PARP8: variants seen among roughly 807,000 people sequenced by gnomAD.
PARP8 encodes poly(ADP-ribose) polymerase family member 8, also known as protein mono-ADP-ribosyltransferase PARP8.
Under a neutral mutation model 124.1 loss-of-function variants are expected in PARP8, and 51 were observed. That is an observed-to-expected ratio of 0.41 (90% confidence interval 0.33 to 0.52). PARP8 has a LOEUF of 0.52. PARP8 is among the 20% of genes least tolerant of loss of function. PARP8 has a pLI of 0.21. For synonymous variants in PARP8, 391 were observed against 361.5 expected (o/e 1.08, Z -0.93); for missense variants, 860 against 1,018.9 (o/e 0.84, Z 2.12).
At chr5:50,725,167 A>T (rs1182357648) in intron 2 of PARP8, among the ~76,000 whole-genome samples, 3 of 150,674 alleles carry the variant, frequency 2.0e-5, no homozygotes, top group East Asian at 1.9e-4. Context: ...TATATATATA[A>T]AACATGTTCT....
intron 1 of PARP8, 167 bp from the exon 2 acceptor site, chr5:50,667,904 C>T: frequency 6.7e-7 from 1 of 1,496,566 alleles, no homozygotes; most frequent in Non-Finnish European, 8.9e-7. Context: ...GTCGGGGGCG[C>T]GCCGCATCCC....
intron 2 of PARP8, among the ~76,000 whole-genome samples, chr5:50,702,992 T>C (rs1319473186): frequency 6.6e-6 from 1 of 151,998 alleles, no homozygotes; most frequent in East Asian, 1.9e-4. Flanking sequence ...ACAAACCAGA[T>C]AATTACAGAA....
At position 50,828,021 on chromosome 5, in the gene PARP8, T is replaced by C. The variant is rs1373018664; in HGVS notation, c.2055T>C (p.Ala685=). Residue 685 remains alanine (A), a synonymous_variant, in exon 20 of 26, where the codon GCT becomes GCC. Coordinates refer to ENST00000281631, the MANE Select transcript of PARP8 (RefSeq NM_024615.4). ...CAGCCAAAGAATCCAATTTTAGAGC[T>C]GCTAAAAAACTCTTTGGAAGCACCT... ...SPPAKESNFR[A]AKKLFGSTFA... 6.2e-7 allele frequency: 1 copy of C among 1,613,302 alleles called. No homozygotes were observed. Among genetic ancestry groups the C allele is most frequent in the Non-Finnish European group, 8.5e-7 (1 of 1,179,358 alleles).
Position 50,691,678 on chromosome 5 carries a change from G to C in PARP8, c.146+23553G>C, listed in dbSNP as rs549052643. ...ACTCTGTTGTTCTTCTGTAATCTGT[G>C]TTTCAGCTCAGATCTATGTTCTGTG... On this transcript the variant is annotated intron_variant, in intron 2 of 25. Coordinates refer to ENST00000281631, the MANE Select transcript of PARP8 (RefSeq NM_024615.4). 5.9e-5 allele frequency among the ~76,000 whole-genome samples: 9 copies of C among 152,174 alleles called. No individual in the cohort carries two copies. The South Asian group carries it at 1.9e-3, about 32-fold the overall frequency.
chr5:50,785,277 G>A (rs2149626055), intron 9 of PARP8, among the ~76,000 whole-genome samples: 1 of 152,058 alleles, frequency 6.6e-6, no homozygotes, highest in South Asian at 2.1e-4. Context: ...ATTAAGTTTT[G>A]GTCTTTGTAT....
Position 50,837,192 on chromosome 5 carries a change from C to T in PARP8, c.2462+2177C>T, listed in dbSNP as rs149013378. On this transcript the variant is annotated intron_variant, in intron 25 of 25. Transcript: ENST00000281631. Reference sequence around the variant, plus strand: ...TCCTAAATAATACAAGGAAAAATTTCGTGTTATCATATTAAGATAATTGTC... The same window carrying T: ...TCCTAAATAATACAAGGAAAAATTTTGTGTTATCATATTAAGATAATTGTC... Among the ~76,000 whole-genome samples, 512 of 152,146 alleles carry T rather than the reference C, an allele frequency of 3.4e-3. 1 individual carries two copies. The highest frequency in any genetic ancestry group is 0.01 in the African/African-American group (426 of 41,520).
Position 50,828,047 on chromosome 5 carries a change from T to C in PARP8, c.2081T>C (p.Phe694Ser). The change falls in exon 20 of 26, where the codon TTT becomes TCT. Residue 694 changes from phenylalanine to serine, a missense_variant. Transcript: ENST00000281631. ...RAAKKLFGSTFAFHGSHIENW... is the reference protein window; with the variant it reads ...RAAKKLFGSTSAFHGSHIENW... ...GCTAAAAAACTCTTTGGAAGCACCTTTGCATTTCAGTGAGTAAGGCTTAAT... is the reference window on the plus strand; with the variant it reads ...GCTAAAAAACTCTTTGGAAGCACCTCTGCATTTCAGTGAGTAAGGCTTAAT... The C allele has an allele frequency of 6.2e-7, 1 of 1,603,396 alleles. No individual in the cohort carries two copies. The highest frequency in any genetic ancestry group is 8.5e-7 in the Non-Finnish European group (1 of 1,170,410).
chr5:50,833,104 A>G lies in PARP8; in HGVS notation c.2307+250A>G, dbSNP rs190314491. On this transcript the variant is annotated intron_variant, in intron 23 of 25. Transcript: ENST00000281631. Reference sequence around the variant, plus strand: ...AGGCAGTAGAGTGTAGTGATGGCCAAAAGTAGACACATATTCCGTCTCTTG... The same window carrying G: ...AGGCAGTAGAGTGTAGTGATGGCCAGAAGTAGACACATATTCCGTCTCTTG... Among the ~76,000 whole-genome samples the G allele has an allele frequency of 7.9e-5, 12 of 152,308 alleles. No individual in the cohort carries two copies. In the East Asian group the frequency reaches 2.1e-3, roughly 27 times the overall value.
At chr5:50,725,150 G>GTA (rs143501846) in intron 2 of PARP8, among the ~76,000 whole-genome samples, 6,648 of 148,288 alleles carry the variant, frequency 0.045, 437 homozygotes, top group African/African-American at 0.15. Flanking sequence ...GTATATGTGT[G>GTA]TATATATATA....
At chr5:50,839,940 A>C (rs1009950269) in intron 25 of PARP8, among the ~76,000 whole-genome samples, 5 of 151,876 alleles carry the variant, frequency 3.3e-5, no homozygotes, top group Non-Finnish European at 5.9e-5. Flanking sequence ...TGAATGATGA[A>C]GGAACTCGTA....
chr5:50,745,243 T>A (rs1758424730), intron 2 of PARP8, among the ~76,000 whole-genome samples: 1 of 152,200 alleles, frequency 6.6e-6, no homozygotes, highest in African/African-American at 2.4e-5. Flanking sequence ...AATAAAATAA[T>A]CAGTGTTGGT....
chr5:50,794,446 C>G, intron 11 of PARP8, 114 bp downstream of exon 11: 2 of 1,231,126 alleles, frequency 1.6e-6, no homozygotes. Flanking sequence ...TTTATAACCT[C>G]TAAGAAAAGA....
Position 50,842,315 on chromosome 5 carries a change from G to T in PARP8, c.*247G>T. The T allele has an allele frequency of 3.2e-6, 1 of 309,242 alleles. No homozygotes were observed. The highest frequency in any genetic ancestry group is 5.9e-6 in the Non-Finnish European group (1 of 169,262). 19.2% of individuals were successfully genotyped at this position (309,242 alleles called of 1,614,324 possible). A position where few individuals can be genotyped will look rare whatever the true frequency, so the allele number is the denominator to read the frequency against. The stretch of plus-strand genomic sequence containing the variant: ...CAGCACTTAAACTGAAGTTTGGGTT[G>T]CTCATACAATAAACAGATTGAAAAA... On this transcript the variant is annotated 3_prime_UTR_variant, in exon 26 of 26. Coordinates refer to ENST00000281631, the MANE Select transcript of PARP8 (RefSeq NM_024615.4).
chr5:50,799,076 GAA>G (rs565170590), intron 14 of PARP8, among the ~76,000 whole-genome samples: 38 of 152,064 alleles, frequency 2.5e-4, no homozygotes, highest in Non-Finnish European at 4.3e-4. Context: ...TAATTTTGAT[GAA>G]GTCTTATTTA....
intron 2 of PARP8, among the ~76,000 whole-genome samples, chr5:50,734,172 C>T (rs1027244187): frequency 6.6e-6 from 1 of 151,666 alleles, no homozygotes; most frequent in Non-Finnish European, 1.5e-5. Flanking sequence ...GGTTTTATTT[C>T]AGATCCCATT....
At chr5:50,731,757 A>G (rs1311939040) in intron 2 of PARP8, among the ~76,000 whole-genome samples, 1 of 152,218 alleles carries the variant, frequency 6.6e-6, no homozygotes, top group Non-Finnish European at 1.5e-5. Context: ...AACTTGAAAT[A>G]TATAGGTTGG....
chr5:50,799,454 G>A (rs1450950124), intron 14 of PARP8, among the ~76,000 whole-genome samples: 1 of 152,144 alleles, frequency 6.6e-6, no homozygotes, highest in Non-Finnish European at 1.5e-5. Flanking sequence ...GTACCACATT[G>A]TCTTGATTAA....
At chr5:50,762,405 C>G (rs1332445301) in intron 6 of PARP8, among the ~76,000 whole-genome samples, 1 of 151,954 alleles carries the variant, frequency 6.6e-6, no homozygotes, top group East Asian at 1.9e-4. Flanking sequence ...TGAGAATAGC[C>G]TAGCCACATA....
At chr5:50,727,853 G>C (rs548980535) in intron 2 of PARP8, among the ~76,000 whole-genome samples, 1 of 152,062 alleles carries the variant, frequency 6.6e-6, no homozygotes, top group Non-Finnish European at 1.5e-5. Flanking sequence ...ACATGGTGTG[G>C]TCCGCCTTCA....
Sources: allele counts gnomAD v4.1 joint callset (sites outside exome capture counted in the v4.1 genomes callset), GRCh38; gene constraint gnomAD v4.1.1; transcripts MANE v1.5; gene names NCBI Gene and HGNC (gene_info 2026-07-23, HGNC 2026-07-21).